MRPL1: variants seen among roughly 807,000 people sequenced by gnomAD.
The protein encoded by MRPL1 is large ribosomal subunit protein uL1m.
A neutral mutation model predicts 38.0 loss-of-function variants in MRPL1; 28 were observed. The observed-to-expected ratio is 0.74, with a 90% CI of 0.55 to 1.01. The LOEUF (loss-of-function observed/expected upper bound fraction) is 1.01, where lower values mean the gene tolerates loss of function less well. Ranked by LOEUF, MRPL1 falls within the 50% of genes least tolerant of loss-of-function variation. MRPL1 has a pLI of 0.00. For synonymous variants in MRPL1, 123 were observed against 126.7 expected, an observed-to-expected ratio of 0.97 and a Z score of 0.20; for missense variants, 358 against 389.8, an observed-to-expected ratio of 0.92 and a Z score of 0.69.
chr4:77,933,793 G>T (rs1736901492), intron 7 of MRPL1, among the ~76,000 whole-genome samples: 1 of 152,232 alleles, frequency 6.6e-6, no homozygotes, highest in South Asian at 2.1e-4. Flanking sequence ...TACAGCCACT[G>T]TGGAAAACAG....
chr4:77,893,339 A>G (rs1193638087), intron 5 of MRPL1, among the ~76,000 whole-genome samples: 1 of 151,574 alleles, frequency 6.6e-6, no homozygotes, highest in Non-Finnish European at 1.5e-5. Context: ...CTAATTTCAA[A>G]CTCCTGAGCT....
chr4:77,935,453 G>A (rs1736945936), intron 7 of MRPL1, among the ~76,000 whole-genome samples: 1 of 151,922 alleles, frequency 6.6e-6, no homozygotes, highest in Non-Finnish European at 1.5e-5. Flanking sequence ...GGAGTGCAGT[G>A]GCGCATCTTG....
intron 8 of MRPL1, among the ~76,000 whole-genome samples, chr4:77,950,260 A>G (rs1190552497): frequency 6.6e-6 from 1 of 152,216 alleles, no homozygotes. Context: ...TGGCACTAGC[A>G]ATTAGTTTTC....
intron 2 of MRPL1, among the ~76,000 whole-genome samples, chr4:77,874,937 A>G (rs778674761): frequency 6.6e-6 from 1 of 151,512 alleles, no homozygotes; most frequent in South Asian, 2.1e-4. Context: ...ACACGCCACA[A>G]CGCCCGGCTA....
intron 2 of MRPL1, among the ~76,000 whole-genome samples, chr4:77,875,127 C>T (rs1221648832): frequency 6.6e-6 from 1 of 151,956 alleles, no homozygotes; most frequent in African/African-American, 2.4e-5. Flanking sequence ...TGTTCATGTC[C>T]TATTCTAATT....
chr4:77,910,321 C>A (rs1736256181), intron 7 of MRPL1, among the ~76,000 whole-genome samples: 1 of 152,172 alleles, frequency 6.6e-6, no homozygotes, highest in South Asian at 2.1e-4. Context: ...AGCTATTATT[C>A]TTTCTCTTTG....
chr4:77,941,586 C>A (rs1364973982), intron 7 of MRPL1, among the ~76,000 whole-genome samples: 1 of 152,054 alleles, frequency 6.6e-6, no homozygotes, highest in Non-Finnish European at 1.5e-5. Context: ...GTTTCTATTT[C>A]TTCCTGGTTT....
intron 2 of MRPL1, among the ~76,000 whole-genome samples, chr4:77,873,485 C>T (rs1232479809): frequency 1.3e-5 from 2 of 152,222 alleles, no homozygotes; most frequent in Non-Finnish European, 2.9e-5. Context: ...TGCTAGAATA[C>T]AGTCCTCAGG....
chr4:77,885,605 T>C (rs1402301138), intron 4 of MRPL1, among the ~76,000 whole-genome samples: 1 of 152,174 alleles, frequency 6.6e-6, no homozygotes, highest in Non-Finnish European at 1.5e-5. Flanking sequence ...GACCTTGTGA[T>C]CCGCCCGCCT....
intron 7 of MRPL1, among the ~76,000 whole-genome samples, chr4:77,919,343 T>A (rs1578054348): frequency 6.6e-6 from 1 of 152,196 alleles, no homozygotes; most frequent in East Asian, 1.9e-4. Flanking sequence ...CTTACATTGT[T>A]GCTGGGTTTT....
At chr4:77,926,428 GGATCTAAT>G (rs1736713044) in intron 7 of MRPL1, among the ~76,000 whole-genome samples, 1 of 152,090 alleles carries the variant, frequency 6.6e-6, no homozygotes, top group South Asian at 2.1e-4. Context: ...TTTAGTTCAA[GGATCTAAT>G]GATAGTAAGG....
At chr4:77,938,411 T>G (rs1737039124) in intron 7 of MRPL1, among the ~76,000 whole-genome samples, 2 of 152,194 alleles carry the variant, frequency 1.3e-5, no homozygotes, top group African/African-American at 4.8e-5. Flanking sequence ...TTCTAAGACC[T>G]TTACCTTTAA....
At position 77,911,778 on chromosome 4, in the gene MRPL1, C is replaced by G. The variant is rs72869579; in HGVS notation, c.777+2406C>G. 5.4e-4 allele frequency among the ~76,000 whole-genome samples: 82 copies of G among 152,156 alleles called. 1 individual carries two copies. Among genetic ancestry groups the G allele is most frequent in the African/African-American group, 1.9e-3 (78 of 41,522 alleles). On this transcript the variant is annotated intron_variant, in intron 7 of 8. Coordinates refer to ENST00000315567, the MANE Select transcript of MRPL1 (RefSeq NM_020236.4). ...CTAAAACAGTCAGCATTATTTGATA[C>G]CAAAACCAGACAAAGAAAACCACAA...
chr4:77,930,262 G>T (rs1441171047), intron 7 of MRPL1, among the ~76,000 whole-genome samples: 1 of 152,114 alleles, frequency 6.6e-6, no homozygotes, highest in African/African-American at 2.4e-5. Flanking sequence ...CCAATCCCTG[G>T]GCTATGGACT....
chr4:77,930,939 A>G (rs556336756), intron 7 of MRPL1, among the ~76,000 whole-genome samples: 4 of 152,352 alleles, frequency 2.6e-5, no homozygotes, highest in Admixed American at 2.6e-4. Context: ...AAAGGGGGAA[A>G]GACTCAATGA....
At chr4:77,872,642 A>C (rs1375915255) in intron 2 of MRPL1, among the ~76,000 whole-genome samples, 1 of 152,166 alleles carries the variant, frequency 6.6e-6, no homozygotes, top group African/African-American at 2.4e-5. Flanking sequence ...AGGCGGGTGG[A>C]TCACGAAGTC....
intron 2 of MRPL1, among the ~76,000 whole-genome samples, chr4:77,879,676 C>G (rs1057041620): frequency 2.6e-5 from 4 of 152,174 alleles, no homozygotes; most frequent in Non-Finnish European, 5.9e-5. Flanking sequence ...AACAGGCTCT[C>G]CAAAATCCTT....
chr4:77,914,900 C>G (rs1681756548), intron 7 of MRPL1, among the ~76,000 whole-genome samples: 1 of 152,118 alleles, frequency 6.6e-6, no homozygotes, highest in Non-Finnish European at 1.5e-5. Flanking sequence ...CTGGTTGTGG[C>G]TGTGGCCTGT....
At chr4:77,877,220 G>A (rs1735418204) in intron 2 of MRPL1, among the ~76,000 whole-genome samples, 1 of 152,116 alleles carries the variant, frequency 6.6e-6, no homozygotes, top group African/African-American at 2.4e-5. Flanking sequence ...TTTTTTTCTT[G>A]CTTATGTCAG....
Sources: allele counts gnomAD v4.1 joint callset (sites outside exome capture counted in the v4.1 genomes callset), GRCh38; gene constraint gnomAD v4.1.1; transcripts MANE v1.5; gene names NCBI Gene and HGNC (gene_info 2026-07-23, HGNC 2026-07-21).